SFI1: variants seen among roughly 807,000 people sequenced by gnomAD.
The protein encoded by SFI1 is protein SFI1 homolog.
SFI1 carries 195 observed loss-of-function variants against 207.5 expected under a neutral mutation model. That is an observed-to-expected ratio of 0.94 (90% CI 0.84 to 1.06). The LOEUF is 1.06. Ranked by LOEUF, SFI1 falls within the 50% of genes least tolerant of loss-of-function variation. The pLI, the probability that SFI1 is intolerant of heterozygous loss-of-function variation, is 0.00. For missense variants in SFI1, 1,634 were observed against 1,588.0 expected (o/e 1.03, Z -0.49); for synonymous variants, 630 against 598.9 (o/e 1.05, Z -0.76).
At chr22:31,504,967 G>A (rs1320689681) in intron 1 of SFI1, among the ~76,000 whole-genome samples, 2 of 152,048 alleles carry the variant, frequency 1.3e-5, no homozygotes, top group Admixed American at 6.6e-5. Context: ...TGTCACATTC[G>A]CAGGTAGCAG....
chr22:31,545,584 A>AATTTAATTTAATTTT (rs1412682098), intron 4 of SFI1, among the ~76,000 whole-genome samples: 2,910 of 144,826 alleles, frequency 0.02, 34 homozygotes, highest in Non-Finnish European at 0.032. Context: ...AATTTAATTT[A>AATTTAATTTAATTTT]ATTTTATTTT....
rs2056399421 is a variant in SFI1, at chr22:31,515,739, TTTTTTTTTC to T, written c.92+7371_92+7379del. 2.7e-5 allele frequency among the ~76,000 whole-genome samples: 4 copies of T among 150,862 alleles called. No individual in the cohort carries two copies. The South Asian group carries it at 8.4e-4, about 32-fold the overall frequency. On this transcript the variant is annotated intron_variant, in intron 2 of 32. Transcript: ENST00000400288. ...TCCTGTTGTGGCTTAGTACCTTTTT[TTTTTTTTTC>T]TTTTTTTGAGATGGCGTCTCCCTCT...
At position 31,574,552 on chromosome 22, in the gene SFI1, C is replaced by T. The variant is rs145653189; in HGVS notation, c.923-679C>T. The stretch of plus-strand genomic sequence containing the variant: ...ATTGACTCAATCTCTAAGTCCTATC[C>T]AGGAGACATTTGTTTAGAAGCAAAA... On this transcript the variant is annotated intron_variant, in intron 9 of 32. Coordinates refer to ENST00000400288, the MANE Select transcript of SFI1 (RefSeq NM_001007467.3). Among the ~76,000 whole-genome samples, 950 of 152,314 alleles carry T rather than the reference C, an allele frequency of 6.2e-3. 13 individuals are homozygous for T. The highest frequency in any genetic ancestry group is 0.022 in the African/African-American group (896 of 41,586).
chr22:31,547,956 T>C, intron 5 of SFI1, among the ~76,000 whole-genome samples: 1 of 150,084 alleles, frequency 6.7e-6, no homozygotes, highest in African/African-American at 2.4e-5. Flanking sequence ...GGCTCATGCC[T>C]GTAATCCCAG....
chr22:31,602,149 A>G, intron 15 of SFI1, 63 bp from the exon 16 acceptor site: 1 of 1,355,282 alleles, frequency 7.4e-7, no homozygotes, highest in East Asian at 2.3e-5. Context: ...TGGAACTTCT[A>G]GTTCTGTTTG....
chr22:31,496,903 G>C (rs898675820), intron 1 of SFI1, among the ~76,000 whole-genome samples: 1 of 152,232 alleles, frequency 6.6e-6, no homozygotes, highest in African/African-American at 2.4e-5. Flanking sequence ...CTTCCGCCCT[G>C]GGGGCACCGC....
rs2072243402 is a variant in SFI1 at position 31,618,539 on chromosome 22, T to C, written c.*121T>C. On this transcript the variant is annotated 3_prime_UTR_variant, in exon 33 of 33. Transcript: ENST00000400288. ...TCAAAATGCTTTGCAATTAAATGAA[T>C]TACTGTTCAGAAGTCTCCCACTTTT... is the stretch of plus-strand genomic sequence containing the variant. 1.9e-6 allele frequency: 2 copies of C among 1,054,072 alleles called. No homozygotes were observed. The highest frequency in any genetic ancestry group is 6.6e-5 in the Admixed American group (2 of 30,226). 65.3% of individuals were successfully genotyped at this position (1,054,072 alleles called of 1,614,324 possible).
At chr22:31,517,068 A>T (rs1484452397) in intron 2 of SFI1, among the ~76,000 whole-genome samples, 3 of 151,904 alleles carry the variant, frequency 2.0e-5, no homozygotes, top group African/African-American at 2.4e-5. Context: ...CAGGAGGCAG[A>T]GGTTGCAGTG....
intron 2 of SFI1, among the ~76,000 whole-genome samples, chr22:31,513,496 G>C (rs1256158328): frequency 6.6e-6 from 1 of 152,042 alleles, no homozygotes; most frequent in Non-Finnish European, 1.5e-5. Flanking sequence ...CTCTCTTAGG[G>C]ATACTGAAAT....
At chr22:31,572,981 C>T (rs2063108326) in intron 8 of SFI1, 77 bp from the exon 9 acceptor site, 9 of 1,472,934 alleles carry the variant, frequency 6.1e-6, no homozygotes, top group Non-Finnish European at 8.3e-6. Context: ...GTGTGCCTTT[C>T]TCTTTTCCCT....
intron 6 of SFI1, among the ~76,000 whole-genome samples, chr22:31,554,942 T>C (rs1050237803): frequency 6.6e-6 from 1 of 152,164 alleles, no homozygotes; most frequent in African/African-American, 2.4e-5. Context: ...TTTAGAAGTG[T>C]GTTTAGTTTT....
chr22:31,614,000 C>T (rs561933332), intron 27 of SFI1, 145 bp downstream of exon 27: 394 of 1,109,138 alleles, frequency 3.6e-4, no homozygotes, highest in Non-Finnish European at 4.6e-4. Flanking sequence ...CCCCTCTTCT[C>T]CAGCCAGATC....
At chr22:31,596,965 C>T (rs150926823) in intron 15 of SFI1, among the ~76,000 whole-genome samples, 6 of 118,140 alleles carry the variant, frequency 5.1e-5, no homozygotes, top group South Asian at 2.9e-4. Flanking sequence ...CGCGCACACA[C>T]GGTACCCGTT....
chr22:31,602,370 TC>T, intron 16 of SFI1, 77 bp downstream of exon 16: 1 of 1,448,404 alleles, frequency 6.9e-7, no homozygotes. Flanking sequence ...CCTCCCCTCC[TC>T]AGGAAGTTGC....
chr22:31,516,165 G>A (rs953181044), intron 2 of SFI1, among the ~76,000 whole-genome samples: 22 of 151,988 alleles, frequency 1.4e-4, no homozygotes, highest in Non-Finnish European at 2.9e-5. Context: ...TATGTTTTAT[G>A]TGTGATAAAT....
intron 5 of SFI1, among the ~76,000 whole-genome samples, chr22:31,547,621 G>GTT (rs137984093): frequency 2.2e-5 from 3 of 139,400 alleles, no homozygotes; most frequent in Admixed American, 1.4e-4. Context: ...TGTTTTTTTT[G>GTT]TTTTTTTTTG....
chr22:31,597,862 C>T (rs2067373661), intron 15 of SFI1, among the ~76,000 whole-genome samples: 1 of 152,042 alleles, frequency 6.6e-6, no homozygotes, highest in Admixed American at 6.6e-5. Flanking sequence ...TTTTTATAAC[C>T]CTCCAGTGAA....
At chr22:31,606,252 A>G (rs2147114082) in intron 20 of SFI1, 76 bp from the exon 21 acceptor site, 1 of 1,336,340 alleles carries the variant, frequency 7.5e-7, no homozygotes, top group African/African-American at 1.4e-5. Context: ...GGGAAGAAGT[A>G]GGAATGATTC....
Position 31,531,135 on chromosome 22 carries a change from A to G in SFI1, c.338+6A>G, listed in dbSNP as rs2058480353. 1.2e-6 allele frequency: 2 copies of G among 1,607,650 alleles called. No homozygotes were observed. Among genetic ancestry groups the G allele is most frequent in the South Asian group, 1.1e-5 (1 of 90,526 alleles). ...GTATTTCCCTCTAAAGCCAGGTAGT[A>G]TTAGCTCAGAACAACATAATTGTGT... On this transcript the variant is annotated splice_donor_region_variant and intron_variant, in intron 4 of 32. Coordinates refer to ENST00000400288, the MANE Select transcript of SFI1 (RefSeq NM_001007467.3).
Sources: gnomAD v4.1 joint callset for allele counts (sites outside exome capture counted in the v4.1 genomes callset) on GRCh38, gnomAD v4.1.1 for gene constraint, MANE v1.5 for transcripts, NCBI Gene and HGNC (gene_info 2026-07-23, HGNC 2026-07-21) for gene names.